GALNT15: variants seen among roughly 807,000 people sequenced by gnomAD.
GALNT15 encodes polypeptide N-acetylgalactosaminyltransferase 15, also known as UDP-GalNAc transferase T15.
GALNT15 carries 67 observed loss-of-function variants against 66.8 expected under a neutral mutation model. That is an observed-to-expected ratio of 1.00 (90% confidence interval 0.82 to 1.23). GALNT15 has a LOEUF of 1.23. Ranked by LOEUF, GALNT15 falls within the 50% of genes most tolerant of loss-of-function variation. GALNT15 has a pLI of 0.00. For missense variants in GALNT15, 827 were observed against 804.3 expected (o/e 1.03, Z -0.34); for synonymous variants, 313 against 311.5 (o/e 1.00, Z -0.05).
the GALNT15 span, chr3:16,243,966 C>T: frequency 1.0e-6 from 1 of 983,590 alleles, no homozygotes; most frequent in African/African-American, 1.7e-5. Context: ...GAGCGGGCTC[C>T]AGTCAGACCT....
chr3:16,230,483 G>GGCTAT (rs1374594016), downstream of GALNT15, among the ~76,000 whole-genome samples: 5 of 152,168 alleles, frequency 3.3e-5, no homozygotes, highest in South Asian at 1.0e-3. This position sits in a 1 kb window ranked among gnomAD's most constrained non-coding sequence, Gnocchi z 4.5. Context: ...TCTACTGAAA[G>GGCTAT]GCTATGAAAA....
At position 16,228,286 on chromosome 3, in the gene GALNT15, C is replaced by T. The variant is rs950129973; in HGVS notation, c.*786C>T. ...CCCTTGCAATCGATTTCTCTTTAGT[C>T]GTTGGTGTTAGAAGTACCAGCACAA... On this transcript the variant is annotated 3_prime_UTR_variant, in exon 10 of 10. Coordinates refer to ENST00000339732, the MANE Select transcript of GALNT15 (RefSeq NM_054110.5). The T allele has an allele frequency of 2.0e-6, 2 of 985,756 alleles. No homozygotes were observed. The highest frequency in any genetic ancestry group is 2.4e-6 in the Non-Finnish European group (2 of 829,924). 61.1% of individuals were successfully genotyped at this position (985,756 alleles called of 1,614,324 possible).
chr3:16,239,303 G>A, the GALNT15 span, among the ~76,000 whole-genome samples: 3,813 of 152,214 alleles, frequency 0.025, 67 homozygotes, highest in Non-Finnish European at 0.035. This position sits in a 1 kb window ranked among gnomAD's most constrained non-coding sequence, Gnocchi z 5.2. Context: ...CCTCACAAAG[G>A]TTCTGCAAAC....
At chr3:16,223,990 G>A (rs2063978723) in intron 9 of GALNT15, among the ~76,000 whole-genome samples, 1 of 152,090 alleles carries the variant, frequency 6.6e-6, no homozygotes, top group Non-Finnish European at 1.5e-5. Context: ...ACCATGTCTG[G>A]CCTCAAAGAA....
intron 2 of GALNT15, among the ~76,000 whole-genome samples, chr3:16,196,554 C>T (rs1023613618): frequency 6.6e-6 from 1 of 152,146 alleles, no homozygotes; most frequent in Non-Finnish European, 1.5e-5. Context: ...GACAGAGAAG[C>T]CCCCACTTGA....
At position 16,208,685 on chromosome 3, in the gene GALNT15, C is replaced by T; in HGVS notation, c.1079+15C>T. On this transcript the variant is annotated intron_variant, in intron 4 of 9. Coordinates refer to ENST00000339732, the MANE Select transcript of GALNT15 (RefSeq NM_054110.5). ...AGCCCCATCAGGTGAGTCCCCATTT[C>T]ACACCTGCTTTGCCATTGCCTCCTC... The T allele has an allele frequency of 1.2e-6, 2 of 1,611,066 alleles. No individual in the cohort carries two copies. The highest frequency in any genetic ancestry group is 1.7e-6 in the Non-Finnish European group (2 of 1,177,994).
chr3:16,219,144 T>C lies in GALNT15; in HGVS notation c.1393-259T>C, dbSNP rs999564305. On this transcript the variant is annotated intron_variant, in intron 6 of 9. Coordinates refer to ENST00000339732, the MANE Select transcript of GALNT15 (RefSeq NM_054110.5). The surrounding 1 kb of genome is among the most constrained non-coding windows in gnomAD (Gnocchi z 4.3). Reference sequence around the variant, plus strand: ...CTTTATAGACTGGAGATTTGAGGGATTGTGGGAAGGGGCTGATATCACTTA... The same window carrying C: ...CTTTATAGACTGGAGATTTGAGGGACTGTGGGAAGGGGCTGATATCACTTA... Among the ~76,000 whole-genome samples, 5 of 152,120 alleles carry C rather than the reference T, an allele frequency of 3.3e-5. No homozygotes were observed. Among genetic ancestry groups the C allele is most frequent in the African/African-American group, 1.2e-4 (5 of 41,424 alleles).
chr3:16,242,077 T>C, the GALNT15 span, among the ~76,000 whole-genome samples: 1 of 152,160 alleles, frequency 6.6e-6, no homozygotes, highest in African/African-American at 2.4e-5. This position sits in a 1 kb window ranked among gnomAD's most constrained non-coding sequence, Gnocchi z 5.6. Context: ...TCTTACACAG[T>C]GGTTGAACAT....
downstream of GALNT15, among the ~76,000 whole-genome samples, chr3:16,232,285 G>T (rs2064089017): frequency 6.6e-6 from 1 of 151,430 alleles, no homozygotes; most frequent in South Asian, 2.1e-4. Context: ...ATAATGTGAG[G>T]TTGGGCATGT....
In GALNT15 at chr3:16,211,204, C is replaced by T. The variant is rs142616039; in HGVS notation, c.1160C>T (p.Ser387Leu). The T allele has an allele frequency of 2.3e-5, 37 of 1,613,730 alleles. No individual in the cohort carries two copies. In the African/African-American group the frequency reaches 3.1e-4, roughly 13 times the overall value. Residue 387 changes from serine to leucine, a missense_variant, in exon 5 of 10, where the codon TCG (serine) becomes TTG (leucine). Physicochemically the swap from Ser to Leu is moderately radical, Grantham distance 145. Coordinates refer to ENST00000339732, the MANE Select transcript of GALNT15 (RefSeq NM_054110.5). The surrounding 1 kb of genome is among the most constrained non-coding windows in gnomAD (Gnocchi z 4.3). Reference sequence around the variant, plus strand: ...ACTGGAGCGTATGACTCTCTTATGTCGCTGCGAGGTGGTGAAAACCTCGAA... The same window carrying T: ...ACTGGAGCGTATGACTCTCTTATGTTGCTGCGAGGTGGTGAAAACCTCGAA... Reference protein sequence around the residue: ...QNTGAYDSLMSLRGGENLELS... With the variant: ...QNTGAYDSLMLLRGGENLELS...
At chr3:16,190,710 A>G (rs1435133969) in intron 1 of GALNT15, among the ~76,000 whole-genome samples, 5 of 151,940 alleles carry the variant, frequency 3.3e-5, no homozygotes, top group African/African-American at 1.2e-4. Flanking sequence ...GCCCTGAGAC[A>G]CAAGACTTTG....
chr3:16,210,848 G>T (rs535349296), intron 4 of GALNT15, among the ~76,000 whole-genome samples: 2 of 152,352 alleles, frequency 1.3e-5, no homozygotes, highest in Admixed American at 6.5e-5. Flanking sequence ...GAGGGCAGGG[G>T]AGTCTCAGGT....
chr3:16,175,011 T>C lies in GALNT15; in HGVS notation c.-141T>C. ...AGGTCTTGCACACGCTGTTGGCAAA[T>C]GTCAGGACCAGGTTAAGTGACTGGC... On this transcript the variant is annotated 5_prime_UTR_variant, in exon 1 of 10. The change abolishes an upstream ATG in the 5' untranslated region. Transcript: ENST00000339732. This position sits in a 1 kb window ranked among gnomAD's most constrained non-coding sequence, Gnocchi z 5.6. The C allele has an allele frequency of 1.4e-6, 1 of 709,182 alleles. No homozygotes were observed. Among genetic ancestry groups the C allele is most frequent in the Non-Finnish European group, 2.3e-6 (1 of 432,028 alleles). The allele number at this position is 709,182 out of a possible 1,614,324, so 43.9% of individuals were successfully genotyped here. A position where few individuals can be genotyped will look rare whatever the true frequency, so the allele number is the denominator to read the frequency against.
chr3:16,232,061 G>A, downstream of GALNT15: 1 of 1,059,178 alleles, frequency 9.4e-7, no homozygotes. Flanking sequence ...AGGGTGAAAG[G>A]TGAGCACCTC....
rs750139862 is a variant in GALNT15 at position 16,210,663 on chromosome 3, T to G, written c.1080-461T>G. Among the ~76,000 whole-genome samples, 18 of 152,330 alleles carry G rather than the reference T, an allele frequency of 1.2e-4. No individual in the cohort carries two copies. In the South Asian group the frequency reaches 2.1e-3, roughly 18 times the overall value. On this transcript the variant is annotated intron_variant, in intron 4 of 9. Coordinates refer to ENST00000339732, the MANE Select transcript of GALNT15 (RefSeq NM_054110.5). Reference sequence around the variant, plus strand: ...GCTTCCAGGGTCCCTGGTGGATTCATCATAGAATTGGGAAGAGGGTGGATG... The same window carrying G: ...GCTTCCAGGGTCCCTGGTGGATTCAGCATAGAATTGGGAAGAGGGTGGATG...
chr3:16,207,753 C>T (rs1327993950), intron 3 of GALNT15, among the ~76,000 whole-genome samples: 2 of 152,084 alleles, frequency 1.3e-5, no homozygotes, highest in Non-Finnish European at 2.9e-5. Context: ...TCCATAAACT[C>T]TCTGACATCG....
chr3:16,211,773 C>T lies in GALNT15; in HGVS notation c.1197+532C>T, dbSNP rs2063817192. Among the ~76,000 whole-genome samples, 1 of 152,126 alleles carries T rather than the reference C, an allele frequency of 6.6e-6. No homozygotes were observed. Among genetic ancestry groups the T allele is most frequent in the Admixed American group, 6.6e-5 (1 of 15,260 alleles). ...ATCACAGTATCCTCCGAAAACCCAA[C>T]ACCAAAAAAAATTCATCATCAAGAG... On this transcript the variant is annotated intron_variant, in intron 5 of 9. Transcript: ENST00000339732. This position sits in a 1 kb window ranked among gnomAD's most constrained non-coding sequence, Gnocchi z 4.3.
intron 2 of GALNT15, among the ~76,000 whole-genome samples, chr3:16,197,162 C>G (rs1281177201): frequency 6.6e-6 from 1 of 152,224 alleles, no homozygotes. Flanking sequence ...GAGGCCCCCA[C>G]CATCTGATGA....
chr3:16,195,065 TAAAG>T lies in GALNT15; in HGVS notation c.540-691_540-688del, dbSNP rs563241225. 2.2e-3 allele frequency among the ~76,000 whole-genome samples: 328 copies of T among 152,242 alleles called. 1 individual carries two copies. Among genetic ancestry groups the T allele is most frequent in the African/African-American group, 7.3e-3 (303 of 41,560 alleles). On this transcript the variant is annotated intron_variant, in intron 1 of 9. Transcript: ENST00000339732. The surrounding 1 kb of genome is among the most constrained non-coding windows in gnomAD (Gnocchi z 4.6). ...ATGCTAGGTTGTAGGAACATAAAAATAAAGAAAATAGTGTCCCTGACCTTGAATG... is the reference window on the plus strand; with the variant it reads ...ATGCTAGGTTGTAGGAACATAAAAATAAAATAGTGTCCCTGACCTTGAATG...
Sources: allele counts gnomAD v4.1 joint callset (sites outside exome capture counted in the v4.1 genomes callset), GRCh38; gene constraint gnomAD v4.1.1; non-coding constraint Gnocchi (gnomAD v3.1); transcripts MANE v1.5; gene names NCBI Gene and HGNC (gene_info 2026-07-23, HGNC 2026-07-21).